Variants in DKKL1 observed in about 807,000 individuals in gnomAD.
The protein encoded by DKKL1 is dickkopf-like protein 1.
DKKL1 carries 11 observed loss-of-function variants against 16.5 expected under a neutral mutation model. The ratio of observed to expected loss-of-function variants is 0.67; its 90% confidence interval spans 0.42 to 1.10. DKKL1 has a LOEUF of 1.10. DKKL1 is among the 50% of genes least tolerant of loss of function. The pLI is 0.00. For missense variants in DKKL1, 320 were observed against 308.1 expected (o/e 1.04, Z -0.29); for synonymous variants, 119 against 133.2 (o/e 0.89, Z 0.73).
chr19:49,368,335 A>C (rs1378155861), intron 4 of DKKL1, among the ~76,000 whole-genome samples: 1 of 151,060 alleles, frequency 6.6e-6, no homozygotes, highest in Non-Finnish European at 1.5e-5. Context: ...AAAAATCAAA[A>C]AAGTAGCCAG....
rs138989415 is a variant in DKKL1 at position 49,372,768 on chromosome 19, G to A, written c.418-1949G>A. Among the ~76,000 whole-genome samples the A allele has an allele frequency of 5.2e-3, 785 of 149,936 alleles. 3 individuals are homozygous for A. Among genetic ancestry groups the A allele is most frequent in the Middle Eastern group, 0.014 (4 of 282 alleles). ...TATAATCCCAGCACTTTGGGAGGCC[G>A]AGGCGGGCAGATCACCTGAGGTCAG... On this transcript the variant is annotated intron_variant, in intron 4 of 4. Transcript: ENST00000221498.
At chr19:49,371,146 G>A (rs1158610642) in intron 4 of DKKL1, 15 of 152,298 alleles carry the variant, frequency 9.8e-5, no homozygotes, top group Admixed American at 9.8e-4. Flanking sequence ...GACAAAGCCT[G>A]AAAAGGCAGA....
chr19:49,366,172 C>G lies in DKKL1; in HGVS notation c.417+287C>G, dbSNP rs140755389. ...TCTTGAACTCCTGACCTCAAGTGAT[C>G]TGCCCATCTTGGCCTTCCAAAGTGC... On this transcript the variant is annotated intron_variant, in intron 4 of 4. Coordinates refer to ENST00000221498, the MANE Select transcript of DKKL1 (RefSeq NM_014419.4). Among the ~76,000 whole-genome samples the G allele has an allele frequency of 8.5e-5, 13 of 152,290 alleles. No homozygotes were observed. The East Asian group carries it at 2.5e-3, about 29-fold the overall frequency.
chr19:49,367,583 T>A (rs1973305753), intron 4 of DKKL1, among the ~76,000 whole-genome samples: 2 of 151,500 alleles, frequency 1.3e-5, no homozygotes, highest in Non-Finnish European at 2.9e-5. Flanking sequence ...ATTTTTCTAT[T>A]TTTAGAGAGA....
chr19:49,367,139 G>T (rs905925570), intron 4 of DKKL1, among the ~76,000 whole-genome samples: 3 of 152,004 alleles, frequency 2.0e-5, no homozygotes, highest in Admixed American at 6.6e-5. Flanking sequence ...TGATTCTCCA[G>T]CCCTAGCCTC....
upstream of DKKL1, among the ~76,000 whole-genome samples, chr19:49,363,381 G>T (rs567096379): frequency 6.6e-6 from 1 of 151,726 alleles, no homozygotes; most frequent in Admixed American, 6.5e-5. Context: ...CGGAGAAAAG[G>T]TTCCGAAACA....
At chr19:49,362,152 A>G (rs1050537646), upstream of DKKL1, among the ~76,000 whole-genome samples, 4 of 152,072 alleles carry the variant, frequency 2.6e-5, no homozygotes, top group African/African-American at 9.7e-5. Flanking sequence ...GCGCACGCCC[A>G]AACTCAGACC....
upstream of DKKL1, chr19:49,362,250 G>A (rs1324257331): frequency 1.3e-5 from 2 of 152,506 alleles, no homozygotes; most frequent in Non-Finnish European, 2.9e-5. Context: ...CGGGCAAAAA[G>A]AGGGCTGCGA....
Position 49,374,958 on chromosome 19 carries a change from C to T in DKKL1, c.659C>T (p.Ser220Phe). 2 of 1,613,676 alleles carry T rather than the reference C, an allele frequency of 1.2e-6. No individual in the cohort carries two copies. The highest frequency in any genetic ancestry group is 1.7e-6 in the Non-Finnish European group (2 of 1,179,860). ...KDVLEEGTESSSHSRLSPRKT... is the reference protein window; with the variant it reads ...KDVLEEGTESFSHSRLSPRKT... ...GTCCTAGAAGAGGGGACCGAGAGCT[C>T]CTCCCACTCCAGGCTGTCCCCCCGA... Residue 220 changes from serine to phenylalanine, a missense_variant, in exon 5 of 5, where the codon TCC (serine) becomes TTC (phenylalanine). Transcript: ENST00000221498.
Position 49,375,005 on chromosome 19 carries a change from C to T in DKKL1, c.706C>T (p.Leu236Phe). The change falls in exon 5 of 5, where the codon CTC becomes TTC. Residue 236 changes from leucine (L) to phenylalanine (F), a missense_variant. Physicochemically the swap from Leu to Phe is conservative, Grantham distance 22. Transcript: ENST00000221498. Reference protein sequence around the residue: ...SPRKTHLLYILRPSRQL With the variant: ...SPRKTHLLYIFRPSRQL ...CCGAAAGACCCACTTACTGTACATC[C>T]TCAGGCCCTCTCGGCAGCTGTAGGG... 1.9e-6 allele frequency: 3 copies of T among 1,609,384 alleles called. No homozygotes were observed. Among genetic ancestry groups the T allele is most frequent in the Non-Finnish European group, 2.5e-6 (3 of 1,177,688 alleles).
intron 1 of DKKL1, 45 bp from the exon 2 acceptor site, chr19:49,364,537 G>A (rs1973174304): frequency 6.5e-7 from 1 of 1,546,528 alleles, no homozygotes; most frequent in African/African-American, 1.4e-5. Flanking sequence ...TCTTGGGTGG[G>A]GGCGTGGCCA....
upstream of DKKL1, among the ~76,000 whole-genome samples, chr19:49,363,407 T>C (rs1045873926): frequency 5.9e-5 from 9 of 151,622 alleles, no homozygotes; most frequent in African/African-American, 2.2e-4. Flanking sequence ...ACAATTAGAG[T>C]GAGAGCTAAA....
intron 4 of DKKL1, among the ~76,000 whole-genome samples, chr19:49,366,456 A>G (rs990279817): frequency 6.6e-6 from 1 of 151,990 alleles, no homozygotes; most frequent in African/African-American, 2.4e-5. Flanking sequence ...TTAACTACAT[A>G]ATAGTCAATC....
At chr19:49,374,277 C>A (rs1334658720) in intron 4 of DKKL1, among the ~76,000 whole-genome samples, 3 of 152,188 alleles carry the variant, frequency 2.0e-5, no homozygotes, top group Admixed American at 2.0e-4. Flanking sequence ...TGAGCCACTG[C>A]ACCTGGCCCC....
chr19:49,372,190 G>A (rs573927253), intron 4 of DKKL1, among the ~76,000 whole-genome samples: 131 of 152,250 alleles, frequency 8.6e-4, no homozygotes, highest in African/African-American at 2.9e-3. Flanking sequence ...ATGTGGGGCT[G>A]GATAATCTTT....
Position 49,364,708 on chromosome 19 carries a change from C to G in DKKL1, c.137C>G (p.Thr46Arg). The change falls in exon 2 of 5, where the codon ACA becomes AGA. Residue 46 changes from threonine (T) to arginine (R), a missense_variant. By Grantham distance (71) the Thr-to-Arg change is moderately conservative. Transcript: ENST00000221498. Reference sequence around the variant, plus strand: ...GCCCAAGAGAGCTCCTTGGGTCTCACAGGCCTCCAGAGCCTACTCCAAGGC... The same window carrying G: ...GCCCAAGAGAGCTCCTTGGGTCTCAGAGGCCTCCAGAGCCTACTCCAAGGC... ...ADAQESSLGL[T>R]GLQSLLQGFS... 6.2e-7 allele frequency: 1 copy of G among 1,614,164 alleles called. No homozygotes were observed. Among genetic ancestry groups the G allele is most frequent in the Non-Finnish European group, 8.5e-7 (1 of 1,180,006 alleles).
At chr19:49,373,557 C>T (rs528737707) in intron 4 of DKKL1, among the ~76,000 whole-genome samples, 1 of 152,186 alleles carries the variant, frequency 6.6e-6, no homozygotes, top group African/African-American at 2.4e-5. Flanking sequence ...GCAGCCTCTG[C>T]CTCCCAGGTT....
upstream of DKKL1, among the ~76,000 whole-genome samples, chr19:49,362,919 GTTTTTTGTT>G (rs1257065809): frequency 3.1e-5 from 4 of 130,258 alleles, no homozygotes; most frequent in South Asian, 2.3e-4. Context: ...TGGTTTTTTT[GTTTTTTGTT>G]TTTTTTGTTT....
At chr19:49,365,051 AG>A (rs1269200853) in intron 2 of DKKL1, among the ~76,000 whole-genome samples, 3 of 152,132 alleles carry the variant, frequency 2.0e-5, no homozygotes, top group Admixed American at 2.0e-4. Context: ...CTATAATCCC[AG>A]CTGCTTGGGA....
Sources: allele counts gnomAD v4.1 joint callset (sites outside exome capture counted in the v4.1 genomes callset), GRCh38; gene constraint gnomAD v4.1.1; transcripts MANE v1.5; gene names NCBI Gene and HGNC (gene_info 2026-07-23, HGNC 2026-07-21).